TMTC1: variants seen among roughly 807,000 people sequenced by gnomAD.
The protein encoded by TMTC1 is protein O-mannosyl-transferase TMTC1.
In TMTC1, 73 loss-of-function variants were observed where a neutral mutation model predicts 104.8. The ratio of observed to expected loss-of-function variants is 0.70; its 90% CI spans 0.58 to 0.85. The LOEUF is 0.85. TMTC1 is among the 40% of genes least tolerant of loss of function. The pLI, the probability that TMTC1 is intolerant of heterozygous loss-of-function variation, is 0.00. For missense variants in TMTC1, 1,035 were observed against 1,096.1 expected (o/e 0.94, Z 0.79); for synonymous variants, 434 against 428.7 (o/e 1.01, Z -0.15).
chr12:29,734,043 C>T (rs866905108), intron 5 of TMTC1, among the ~76,000 whole-genome samples: 3 of 152,104 alleles, frequency 2.0e-5, no homozygotes, highest in Admixed American at 2.0e-4. Context: ...GGTCTTTGTG[C>T]CTTTTCATAA....
At chr12:29,776,122 G>A (rs1005748577) in intron 1 of TMTC1, among the ~76,000 whole-genome samples, 1 of 152,230 alleles carries the variant, frequency 6.6e-6, no homozygotes, top group African/African-American at 2.4e-5. Context: ...AGGAACCTGA[G>A]ATTGGAGTGT....
At chr12:29,658,041 C>T (rs1434485896) in intron 5 of TMTC1, among the ~76,000 whole-genome samples, 2 of 151,754 alleles carry the variant, frequency 1.3e-5, no homozygotes, top group African/African-American at 2.4e-5. Flanking sequence ...TGCAGTGAGC[C>T]GAGATCACGC....
At chr12:29,584,038 G>A (rs918068199) in intron 7 of TMTC1, among the ~76,000 whole-genome samples, 1 of 152,120 alleles carries the variant, frequency 6.6e-6, no homozygotes, top group African/African-American at 2.4e-5. Context: ...GTCAGGTCCT[G>A]GAAGGATGCT....
rs2023588 is a variant in TMTC1, at chr12:29,501,573, T to C, written c.*5273A>G. On this transcript the variant is annotated 3_prime_UTR_variant, in exon 18 of 18. Transcript: ENST00000539277. ...CCCTCCTATGGACCAGCAAGATAAA[T>C]AACCCCCAAAGGACATCACACATAC... 54,278 of 150,756 alleles carry C rather than the reference T, an allele frequency of 0.36. 10,509 individuals are homozygous for C. Among genetic ancestry groups the C allele is most frequent in the African/African-American group, 0.52 (21,350 of 41,276 alleles). The allele number at this position is 150,756 out of a possible 1,614,324, so 9.3% of individuals were successfully genotyped here. A position where few individuals can be genotyped will look rare whatever the true frequency, so the allele number is the denominator to read the frequency against.
At chr12:29,749,210 T>C (rs1248639833) in intron 5 of TMTC1, among the ~76,000 whole-genome samples, 1 of 149,450 alleles carries the variant, frequency 6.7e-6, no homozygotes, top group Non-Finnish European at 1.5e-5. Flanking sequence ...TCATCTCTCC[T>C]CTCTACAGGT....
At chr12:29,728,445 G>A (rs1396847329) in intron 5 of TMTC1, among the ~76,000 whole-genome samples, 1 of 152,140 alleles carries the variant, frequency 6.6e-6, no homozygotes, top group Non-Finnish European at 1.5e-5. Context: ...GGAGTGCAGG[G>A]TTGTACAAGC....
chr12:29,623,395 C>T (rs1221557348), intron 6 of TMTC1, among the ~76,000 whole-genome samples: 1 of 152,208 alleles, frequency 6.6e-6, no homozygotes, highest in Non-Finnish European at 1.5e-5. Flanking sequence ...GCTCCCACCT[C>T]CACCTATCTG....
At chr12:29,580,539 C>T (rs974458034) in intron 8 of TMTC1, among the ~76,000 whole-genome samples, 3 of 152,062 alleles carry the variant, frequency 2.0e-5, no homozygotes, top group African/African-American at 4.8e-5. Flanking sequence ...AATCATCCCA[C>T]ATAATTAGAG....
intron 5 of TMTC1, among the ~76,000 whole-genome samples, chr12:29,638,844 T>C (rs1341717439): frequency 6.6e-6 from 1 of 152,230 alleles, no homozygotes; most frequent in African/African-American, 2.4e-5. Flanking sequence ...TGGTGATCTG[T>C]CCTGCTCCCT....
At chr12:29,712,151 T>C (rs1358609598) in intron 5 of TMTC1, among the ~76,000 whole-genome samples, 2 of 152,072 alleles carry the variant, frequency 1.3e-5, no homozygotes, top group Admixed American at 6.6e-5. Context: ...TGGAAGAAAG[T>C]TCCCCAAATT....
At chr12:29,635,354 T>C (rs1295954516) in intron 5 of TMTC1, among the ~76,000 whole-genome samples, 1 of 152,226 alleles carries the variant, frequency 6.6e-6, no homozygotes, top group Non-Finnish European at 1.5e-5. Flanking sequence ...AGGTTCTCTA[T>C]GACTTAGCTT....
At chr12:29,553,612 A>G (rs1240898031) in intron 10 of TMTC1, among the ~76,000 whole-genome samples, 1 of 152,222 alleles carries the variant, frequency 6.6e-6, no homozygotes, top group African/African-American at 2.4e-5. Context: ...AAAGTCTTAT[A>G]CAAATGTAAA....
At chr12:29,728,998 C>CAAAAAA (rs34267484) in intron 5 of TMTC1, among the ~76,000 whole-genome samples, 1 of 68,748 alleles carries the variant, frequency 1.5e-5, no homozygotes, top group Non-Finnish European at 2.9e-5. Flanking sequence ...ACTCCATCTC[C>CAAAAAA]AAAAAAAAAA....
intron 8 of TMTC1, among the ~76,000 whole-genome samples, chr12:29,574,700 T>C (rs1358572499): frequency 1.3e-5 from 2 of 152,218 alleles, no homozygotes; most frequent in African/African-American, 2.4e-5. Flanking sequence ...TGGTGCCTCT[T>C]CCTTGTTTTA....
intron 1 of TMTC1, among the ~76,000 whole-genome samples, chr12:29,776,925 G>C (rs1943723062): frequency 6.6e-6 from 1 of 152,160 alleles, no homozygotes; most frequent in South Asian, 2.1e-4. Flanking sequence ...AAAGAACAAG[G>C]GCTCTGGAAT....
chr12:29,506,761 C>A lies in TMTC1; in HGVS notation c.*85G>T. On this transcript the variant is annotated 3_prime_UTR_variant, in exon 18 of 18. Transcript: ENST00000539277. ...ATGAGAGAAAATCTCATTAGTTGTGCCCCTGCTGATGTGAAAGCAAGGCTT... is the reference window on the plus strand; with the variant it reads ...ATGAGAGAAAATCTCATTAGTTGTGACCCTGCTGATGTGAAAGCAAGGCTT... 6.6e-7 allele frequency: 1 copy of A among 1,517,750 alleles called. No homozygotes were observed. The highest frequency in any genetic ancestry group is 9.1e-7 in the Non-Finnish European group (1 of 1,098,758). 94.0% of individuals were successfully genotyped at this position (1,517,750 alleles called of 1,614,324 possible).
At chr12:29,562,971 C>G (rs1195899482) in intron 9 of TMTC1, among the ~76,000 whole-genome samples, 1 of 152,178 alleles carries the variant, frequency 6.6e-6, no homozygotes, top group Non-Finnish European at 1.5e-5. Context: ...TTGCTGATAG[C>G]TTTCAACTTG....
In TMTC1 at chr12:29,748,853, CTT is replaced by C. The variant is rs149279709; in HGVS notation, c.938+2811_938+2812del. On this transcript the variant is annotated intron_variant, in intron 5 of 17. Transcript: ENST00000539277. ...ATTATTAAAAATTCAAGTAAATAAA[CTT>C]AAAATTAAATATGTCATATTTTAAA... 9.5e-3 allele frequency among the ~76,000 whole-genome samples: 1,454 copies of C among 152,312 alleles called. 27 individuals are homozygous for C. The highest frequency in any genetic ancestry group is 0.033 in the African/African-American group (1,380 of 41,560).
intron 8 of TMTC1, among the ~76,000 whole-genome samples, chr12:29,575,691 G>A (rs961346810): frequency 2.6e-5 from 4 of 152,246 alleles, no homozygotes; most frequent in Admixed American, 6.5e-5. Flanking sequence ...GATTTAAAAC[G>A]CACCACAGTG....
Sources: gnomAD v4.1 joint callset for allele counts (sites outside exome capture counted in the v4.1 genomes callset) on GRCh38, gnomAD v4.1.1 for gene constraint, MANE v1.5 for transcripts, NCBI Gene and HGNC (gene_info 2026-07-23, HGNC 2026-07-21) for gene names.